Variants in IL1RAPL1 observed in about 807,000 individuals in gnomAD.
The protein encoded by IL1RAPL1 is interleukin-1 receptor accessory protein-like 1.
IL1RAPL1 carries 3 observed loss-of-function variants against 48.4 expected under a neutral mutation model. That is an observed-to-expected ratio of 0.06 (90% CI 0.03 to 0.16). The LOEUF is 0.16. Ranked by LOEUF, IL1RAPL1 falls within the 10% of genes least tolerant of loss-of-function variation. The pLI, the probability that IL1RAPL1 is intolerant of heterozygous loss-of-function variation, is 1.00. For missense variants in IL1RAPL1, 349 were observed against 530.6 expected, an observed-to-expected ratio of 0.66 and a Z score of 3.36; for synonymous variants, 185 against 187.7, an observed-to-expected ratio of 0.99 and a Z score of 0.12.
chrX:29,723,088 CT>C (rs1927678750), intron 6 of IL1RAPL1, among the ~76,000 whole-genome samples: 1 of 111,979 alleles, frequency 8.9e-6, no homozygotes, highest in African/African-American at 3.2e-5. Context: ...TATTTTCAGA[CT>C]TTTTATCAGA....
chrX:28,962,547 G>A (rs1162996616), intron 2 of IL1RAPL1, among the ~76,000 whole-genome samples: 4 of 110,789 alleles, frequency 3.6e-5, no homozygotes, highest in African/African-American at 6.5e-5. Context: ...CACAGAGAGC[G>A]CTCCTTATCC....
chrX:29,666,385 C>T (rs1030359208), intron 5 of IL1RAPL1, among the ~76,000 whole-genome samples: 5 of 110,427 alleles, frequency 4.5e-5, no homozygotes, highest in South Asian at 3.8e-4. Flanking sequence ...GCCCAGTGGG[C>T]ACCCCCAAAC....
intron 2 of IL1RAPL1, among the ~76,000 whole-genome samples, chrX:29,125,876 A>AAG (rs1928889035): frequency 9.2e-6 from 1 of 109,034 alleles, no homozygotes; most frequent in South Asian, 3.9e-4. Context: ...GAAATGGTTA[A>AAG]AAAAAAAAGG....
At chrX:29,577,774 G>A (rs1181142649) in intron 5 of IL1RAPL1, among the ~76,000 whole-genome samples, 11 of 111,981 alleles carry the variant, frequency 9.8e-5, no homozygotes, top group African/African-American at 3.6e-4. Flanking sequence ...CTGCCTCCAA[G>A]TATTGCTGGT....
intron 2 of IL1RAPL1, among the ~76,000 whole-genome samples, chrX:28,999,389 C>G (rs1479354426): frequency 1.8e-5 from 2 of 111,548 alleles, no homozygotes; most frequent in Non-Finnish European, 3.8e-5. Flanking sequence ...GTCCTTCCCT[C>G]TGTTCTATTC....
intron 6 of IL1RAPL1, among the ~76,000 whole-genome samples, chrX:29,913,776 C>T (rs865882732): frequency 9.0e-6 from 1 of 110,771 alleles, no homozygotes; most frequent in Non-Finnish European, 1.9e-5. Flanking sequence ...AATCTTCCCT[C>T]AACTTCCCAT....
rs1017653109 is a variant in IL1RAPL1, at chrX:29,482,849, A to G, written c.703+83541A>G. 9.8e-5 allele frequency among the ~76,000 whole-genome samples: 11 copies of G among 112,164 alleles called. No homozygotes were observed. The Admixed American group carries it at 1.0e-3, about 11-fold the overall frequency. On this transcript the variant is annotated intron_variant, in intron 5 of 10. Transcript: ENST00000378993. ...TCATTCCTTGTAATATATTTTAAAT[A>G]CTCATTTTATTCCATCGATTCTGAT...
chrX:29,901,425 C>T (rs1932493918), intron 6 of IL1RAPL1, among the ~76,000 whole-genome samples: 1 of 111,994 alleles, frequency 8.9e-6, no homozygotes, highest in Admixed American at 9.5e-5. Context: ...AGTGTTTGGA[C>T]AGGGTTACAT....
intron 3 of IL1RAPL1, among the ~76,000 whole-genome samples, chrX:29,332,395 C>A (rs2147634711): frequency 1.1e-5 from 1 of 88,578 alleles, no homozygotes; most frequent in African/African-American, 4.1e-5. Context: ...ACATCATAAT[C>A]ATTTAAAAAG....
chrX:29,100,028 AT>A (rs1028659041), intron 2 of IL1RAPL1, among the ~76,000 whole-genome samples: 5 of 110,090 alleles, frequency 4.5e-5, no homozygotes, highest in African/African-American at 1.7e-4. Flanking sequence ...CCTGGCCAAC[AT>A]GGTGAAACCC....
At chrX:28,858,581 C>T (rs774625031) in intron 2 of IL1RAPL1, among the ~76,000 whole-genome samples, 55 of 112,273 alleles carry the variant, frequency 4.9e-4, no homozygotes, top group Non-Finnish European at 8.5e-4. Flanking sequence ...ACATTTTTAG[C>T]AAAAATGTAC....
intron 3 of IL1RAPL1, among the ~76,000 whole-genome samples, chrX:29,356,862 GA>G (rs1933311760): frequency 9.0e-6 from 1 of 111,669 alleles, no homozygotes; most frequent in African/African-American, 3.3e-5. Flanking sequence ...ACTCCCACTA[GA>G]AGTGCTTGAA....
intron 1 of IL1RAPL1, among the ~76,000 whole-genome samples, chrX:28,736,248 A>G (rs1486191710): frequency 9.1e-6 from 1 of 110,236 alleles, no homozygotes; most frequent in Non-Finnish European, 1.9e-5. Flanking sequence ...CCTGGCCAAC[A>G]TAGTGAAACC....
intron 2 of IL1RAPL1, among the ~76,000 whole-genome samples, chrX:29,022,781 A>G (rs913588530): frequency 8.2e-5 from 9 of 110,180 alleles, no homozygotes; most frequent in Non-Finnish European, 1.7e-4. Context: ...TAATGCAACA[A>G]TCTTGCTTAA....
intron 2 of IL1RAPL1, among the ~76,000 whole-genome samples, chrX:29,120,315 T>A (rs1347290652): frequency 8.9e-6 from 1 of 112,068 alleles, no homozygotes; most frequent in African/African-American, 3.2e-5. Context: ...TTATTTTTTA[T>A]ATATGGTGAA....
chrX:29,088,694 AAG>A (rs1928012237), intron 2 of IL1RAPL1, among the ~76,000 whole-genome samples: 1 of 108,018 alleles, frequency 9.3e-6, no homozygotes, highest in Admixed American at 1.0e-4. Context: ...AAAAAAAAAA[AAG>A]AAAAGAAAAA....
At chrX:29,041,125 G>A (rs1926837197) in intron 2 of IL1RAPL1, among the ~76,000 whole-genome samples, 1 of 111,544 alleles carries the variant, frequency 9.0e-6, no homozygotes, top group Admixed American at 9.6e-5. Context: ...TTGTTACTGA[G>A]TTTGTCTTCA....
At chrX:29,779,429 A>T (rs1359731397) in intron 6 of IL1RAPL1, among the ~76,000 whole-genome samples, 1 of 111,358 alleles carries the variant, frequency 9.0e-6, no homozygotes, top group African/African-American at 3.3e-5. Flanking sequence ...GAAACAATAA[A>T]CATCAGGACC....
intron 1 of IL1RAPL1, among the ~76,000 whole-genome samples, chrX:28,726,564 C>T (rs1407444501): frequency 1.8e-5 from 2 of 111,403 alleles, no homozygotes; most frequent in South Asian, 3.7e-4. Context: ...ACAAAAAATA[C>T]GATAAATTGA....
Sources: gnomAD v4.1 joint callset for allele counts (sites outside exome capture counted in the v4.1 genomes callset) on GRCh38, gnomAD v4.1.1 for gene constraint, MANE v1.5 for transcripts, NCBI Gene and HGNC (gene_info 2026-07-23, HGNC 2026-07-21) for gene names.